Variants in NRXN1 observed in about 807,000 individuals in gnomAD.
NRXN1 encodes the protein neurexin-1.
Under a neutral mutation model 150.9 loss-of-function variants are expected in NRXN1, and 39 were observed. The observed-to-expected ratio is 0.26, with a 90% CI of 0.20 to 0.34. The LOEUF (loss-of-function observed/expected upper bound fraction) is 0.34, where lower values mean the gene tolerates loss of function less well. NRXN1 is among the 10% of genes least tolerant of loss of function. The pLI, the probability that NRXN1 is intolerant of heterozygous loss-of-function variation, is 1.00. For synonymous variants in NRXN1, 924 were observed against 757.0 expected (o/e 1.22, Z -3.62); for missense variants, 1,815 against 1,949.9 (o/e 0.93, Z 1.30).
At chr2:50,645,678 A>G (rs1684717085) in intron 5 of NRXN1, among the ~76,000 whole-genome samples, 1 of 152,032 alleles carries the variant, frequency 6.6e-6, no homozygotes, top group South Asian at 2.1e-4. Context: ...TAACATGAGC[A>G]TAAGAACTAA....
chr2:49,919,904 A>G lies in NRXN1; in HGVS notation c.*2040T>C, dbSNP rs938302346. 3 of 152,124 alleles carry G rather than the reference A, an allele frequency of 2.0e-5. No individual in the cohort carries two copies. The highest frequency in any genetic ancestry group is 2.9e-5 in the Non-Finnish European group (2 of 67,990). The allele number at this position is 152,124 out of a possible 1,614,324, so 9.4% of individuals were successfully genotyped here. A position where few individuals can be genotyped will look rare whatever the true frequency, so the allele number is the denominator to read the frequency against. On this transcript the variant is annotated 3_prime_UTR_variant, in exon 23 of 23. Coordinates refer to ENST00000401669, the MANE Select transcript of NRXN1 (RefSeq NM_001330078.2). ...CTTCTTGGCTTTTTTTTCATCAACT[A>G]AAGTATCACAAAAGATGTTTTGCAT...
intron 17 of NRXN1, among the ~76,000 whole-genome samples, chr2:50,261,141 T>C (rs934659507): frequency 1.3e-4 from 19 of 151,796 alleles, no homozygotes; most frequent in African/African-American, 4.6e-4. Context: ...TTGCAAATCT[T>C]TGAGCATTTA....
chr2:50,925,806 G>T (rs1306797490), intron 3 of NRXN1, 132 bp downstream of exon 3: 8 of 715,256 alleles, frequency 1.1e-5, no homozygotes, highest in Middle Eastern at 2.5e-4. Flanking sequence ...TATGAAAAGT[G>T]ATACACAATC....
chr2:50,121,707 CTT>C (rs531059613), intron 18 of NRXN1, among the ~76,000 whole-genome samples: 49 of 152,210 alleles, frequency 3.2e-4, no homozygotes, highest in African/African-American at 1.1e-3. Flanking sequence ...GACTATGACT[CTT>C]TTGATTAGTA....
intron 5 of NRXN1, among the ~76,000 whole-genome samples, chr2:50,651,481 T>A (rs1685612866): frequency 6.8e-6 from 1 of 146,208 alleles, no homozygotes; most frequent in African/African-American, 2.7e-5. Context: ...TAACATGACA[T>A]GACATGACAT....
intron 8 of NRXN1, among the ~76,000 whole-genome samples, chr2:50,588,516 T>A (rs929560576): frequency 6.6e-6 from 1 of 152,180 alleles, no homozygotes; most frequent in African/African-American, 2.4e-5. Context: ...TCCGACTTCA[T>A]CCATTACTGA....
At chr2:50,929,142 G>C (rs976850927) in intron 2 of NRXN1, among the ~76,000 whole-genome samples, 1 of 151,728 alleles carries the variant, frequency 6.6e-6, no homozygotes, top group African/African-American at 2.4e-5. Flanking sequence ...TTTTATCTTC[G>C]GCCCCCAGCT....
intron 5 of NRXN1, among the ~76,000 whole-genome samples, chr2:50,893,991 C>T (rs1163002090): frequency 6.6e-6 from 1 of 151,900 alleles, no homozygotes; most frequent in Non-Finnish European, 1.5e-5. Flanking sequence ...TTTTCTTAAT[C>T]CAGTCTATCA....
At chr2:49,960,749 A>C (rs1012920860) in intron 21 of NRXN1, among the ~76,000 whole-genome samples, 1 of 152,164 alleles carries the variant, frequency 6.6e-6, no homozygotes, top group Non-Finnish European at 1.5e-5. Flanking sequence ...CATGCAAAAA[A>C]CATCATTTTA....
At chr2:50,982,192 G>A (rs1055305580) in intron 2 of NRXN1, among the ~76,000 whole-genome samples, 5 of 151,974 alleles carry the variant, frequency 3.3e-5, no homozygotes, top group African/African-American at 4.8e-5. Context: ...TTGACAGTTC[G>A]GTCATGTTTC....
At chr2:50,499,710 G>A (rs1457599774) in intron 13 of NRXN1, among the ~76,000 whole-genome samples, 2 of 151,990 alleles carry the variant, frequency 1.3e-5, no homozygotes, top group African/African-American at 4.8e-5. Flanking sequence ...CATTTTGGGA[G>A]GCCTAGGGGG....
At chr2:50,195,387 T>C (rs945493266) in intron 18 of NRXN1, among the ~76,000 whole-genome samples, 4 of 152,168 alleles carry the variant, frequency 2.6e-5, no homozygotes, top group Non-Finnish European at 5.9e-5. Context: ...TCTCACAAAC[T>C]ATAGTGCTTC....
chr2:50,365,599 G>T (rs1558605568), intron 17 of NRXN1, among the ~76,000 whole-genome samples: 1 of 151,964 alleles, frequency 6.6e-6, no homozygotes, highest in Non-Finnish European at 1.5e-5. Context: ...ATTTATTTCA[G>T]CTTATTCCTG....
intron 2 of NRXN1, among the ~76,000 whole-genome samples, chr2:50,966,009 G>A (rs762047574): frequency 5.3e-5 from 8 of 151,274 alleles, no homozygotes; most frequent in Non-Finnish European, 1.2e-4. Flanking sequence ...CCTTAAAGTT[G>A]CACCTTAGTA....
At chr2:50,907,097 C>T (rs1307187467) in intron 5 of NRXN1, among the ~76,000 whole-genome samples, 3 of 151,670 alleles carry the variant, frequency 2.0e-5, no homozygotes, top group African/African-American at 7.3e-5. Flanking sequence ...AAAGGTCACT[C>T]TCTCCCTTTT....
intron 17 of NRXN1, among the ~76,000 whole-genome samples, chr2:50,385,557 C>A (rs1402741493): frequency 1.3e-5 from 2 of 152,196 alleles, no homozygotes; most frequent in African/African-American, 4.8e-5. Context: ...AGTGGGTAAA[C>A]CAGGAGTGGC....
intron 2 of NRXN1, chr2:51,026,577 A>G: frequency 4.3e-6 from 3 of 699,852 alleles, no homozygotes; most frequent in Non-Finnish European, 7.5e-6. Flanking sequence ...CTACCCAGAT[A>G]AATGTCATTA....
intron 19 of NRXN1, among the ~76,000 whole-genome samples, chr2:50,080,273 C>G (rs570281574): frequency 1.1e-4 from 17 of 152,088 alleles, no homozygotes; most frequent in African/African-American, 3.4e-4. Context: ...TACGATTGTT[C>G]TATTTTATTA....
At chr2:50,660,540 T>C (rs1008387194) in intron 5 of NRXN1, among the ~76,000 whole-genome samples, 2 of 152,028 alleles carry the variant, frequency 1.3e-5, no homozygotes, top group Non-Finnish European at 2.9e-5. Context: ...TTTAGAAGGG[T>C]GGCATTCTCC....
Sources: gnomAD v4.1 joint callset for allele counts (sites outside exome capture counted in the v4.1 genomes callset) on GRCh38, gnomAD v4.1.1 for gene constraint, MANE v1.5 for transcripts, NCBI Gene and HGNC (gene_info 2026-07-23, HGNC 2026-07-21) for gene names.